The following OFD1 variants were observed in gnomAD, a reference collection of about 807,000 sequenced individuals.
The protein encoded by OFD1 is centriole and centriolar satellite protein OFD1.
OFD1 carries 12 observed loss-of-function variants against 81.4 expected under a neutral mutation model. The ratio of observed to expected loss-of-function variants is 0.15; its 90% confidence interval spans 0.09 to 0.24. OFD1 has a LOEUF of 0.24. OFD1 is among the 10% of genes least tolerant of loss of function. The probability of loss-of-function intolerance (pLI) is 1.00; values close to 1 mark genes in which losing one functional copy is unlikely to be tolerated. For synonymous variants in OFD1, 256 were observed against 263.7 expected, an observed-to-expected ratio of 0.97 and a Z score of 0.28; for missense variants, 685 against 733.9, an observed-to-expected ratio of 0.93 and a Z score of 0.77.
At chrX:13,731,604 C>A (rs1267471519), upstream of OFD1, among the ~76,000 whole-genome samples, 1 of 111,744 alleles carries the variant, frequency 8.9e-6, no homozygotes, top group East Asian at 2.8e-4. Context: ...AGAGCAGATA[C>A]ACCATTCGTC....
chrX:13,741,486 T>A (rs1269328274), intron 5 of OFD1, among the ~76,000 whole-genome samples: 1 of 112,104 alleles, frequency 8.9e-6, no homozygotes, highest in Non-Finnish European at 1.9e-5. Context: ...GCTAAGCTGT[T>A]GAATGGCCTT....
chrX:13,773,273 T>G (rs2048335206), downstream of OFD1: 1 of 271,073 alleles, frequency 3.7e-6, no homozygotes, highest in Admixed American at 6.3e-5. Context: ...GCCAAAGGTA[T>G]TGTTAAGAAA....
chrX:13,748,680 C>T (rs943329706), intron 8 of OFD1, among the ~76,000 whole-genome samples: 2 of 111,961 alleles, frequency 1.8e-5, no homozygotes, highest in Non-Finnish European at 3.8e-5. Context: ...TTCATATGAG[C>T]TTGCTAACTC....
chrX:13,734,794 C>A lies in OFD1; in HGVS notation c.-278C>A, dbSNP rs2046786490. 2.8e-6 allele frequency: 3 copies of A among 1,073,140 alleles called. No individual in the cohort carries two copies. Among genetic ancestry groups the A allele is most frequent in the South Asian group, 2.5e-5 (1 of 40,257 alleles). The allele number at this position is 1,073,140 out of a possible 1,213,427, so 88.4% of individuals were successfully genotyped here. A position where few individuals can be genotyped will look rare whatever the true frequency, so the allele number is the denominator to read the frequency against. ...CCTCGCTGCCTTCAGTCCCTAGTGT[C>A]TGGGTCCCCGCCCTCCAGCCGCCTT... On this transcript the variant is annotated 5_prime_UTR_variant, in exon 1 of 23. In the 5' UTR this introduces an upstream ATG that the reference lacks. Transcript: ENST00000340096.
intron 11 of OFD1, 127 bp from the exon 12 acceptor site, chrX:13,755,024 G>A (rs1024275455): frequency 5.7e-6 from 3 of 526,127 alleles, no homozygotes; most frequent in Non-Finnish European, 3.4e-6. Context: ...TTACTTGCCC[G>A]CTACATCTGC....
chrX:13,750,127 C>G (rs1425195771), intron 9 of OFD1, among the ~76,000 whole-genome samples: 1 of 112,257 alleles, frequency 8.9e-6, no homozygotes, highest in Non-Finnish European at 1.9e-5. Context: ...AATCTTAGTT[C>G]ATTAAAGAAT....
chrX:13,736,024 T>A, intron 2 of OFD1: 1 of 398,619 alleles, frequency 2.5e-6, no homozygotes, highest in Non-Finnish European at 3.2e-6. Flanking sequence ...TCATTTTCAG[T>A]GGCAACAGGC....
intron 18 of OFD1, among the ~76,000 whole-genome samples, chrX:13,762,732 A>T (rs770405553): frequency 1.4e-3 from 153 of 112,047 alleles, no homozygotes; most frequent in Middle Eastern, 9.2e-3. Context: ...ATTTTTATTT[A>T]TTTTTTCCTT....
chrX:13,772,254 G>A (rs923051340), downstream of OFD1: 3 of 112,312 alleles, frequency 2.7e-5, no homozygotes, highest in Non-Finnish European at 5.6e-5. Context: ...AGGGTCAGCA[G>A]AATTGTAGCT....
At chrX:13,750,675 C>G (rs2047469654) in intron 9 of OFD1, among the ~76,000 whole-genome samples, 1 of 112,125 alleles carries the variant, frequency 8.9e-6, no homozygotes, top group African/African-American at 3.2e-5. Flanking sequence ...CAGTGTCTCT[C>G]TGTATTGCCC....
At chrX:13,773,548 A>G (rs567235262), downstream of OFD1, 1 of 112,037 alleles carries the variant, frequency 8.9e-6, no homozygotes. Flanking sequence ...AAAATTAAGA[A>G]CTATAAGCAA....
chrX:13,772,755 GAGAC>G (rs1188607209), downstream of OFD1: 3 of 576,377 alleles, frequency 5.2e-6, no homozygotes, highest in South Asian at 4.5e-5. Context: ...CCAGCAGCTT[GAGAC>G]AGACAGTGAA....
At chrX:13,722,358 G>A in the OFD1 span, 1 of 110,788 alleles carries the variant, frequency 9.0e-6, no homozygotes, top group Non-Finnish European at 1.9e-5. Context: ...AAGTCAGCAG[G>A]AAGACAGAAA....
the OFD1 span, among the ~76,000 whole-genome samples, chrX:13,726,000 A>AG: frequency 8.9e-6 from 1 of 112,139 alleles, no homozygotes; most frequent in African/African-American, 3.2e-5. Flanking sequence ...AGTAGAAGAA[A>AG]GGGTATCAGT....
the OFD1 span, chrX:13,715,663 T>TAG: frequency 3.5e-6 from 1 of 285,576 alleles, no homozygotes; most frequent in Non-Finnish European, 4.9e-6. Context: ...GGAAACATTT[T>TAG]AGATTAAATT....
At chrX:13,717,058 A>C in the OFD1 span, among the ~76,000 whole-genome samples, 6 of 106,001 alleles carry the variant, frequency 5.7e-5, no homozygotes, top group Middle Eastern at 9.6e-3. Flanking sequence ...AAAAAAAAAA[A>C]AAAAAACAAG....
chrX:13,716,812 C>T, the OFD1 span: 11 of 505,324 alleles, frequency 2.2e-5, no homozygotes, highest in South Asian at 3.6e-5. Flanking sequence ...TTGTTATTGT[C>T]ATGAGACTTA....
chrX:13,758,257 A>G, intron 14 of OFD1, 80 bp from the exon 15 acceptor site: 1 of 688,314 alleles, frequency 1.5e-6, no homozygotes, highest in East Asian at 3.2e-5. Flanking sequence ...GAGTACAAAC[A>G]TGATAAGAGA....
At chrX:13,768,601 G>A in intron 21 of OFD1, 117 bp from the exon 22 acceptor site, 2 of 611,673 alleles carry the variant, frequency 3.3e-6, no homozygotes, top group South Asian at 4.9e-5. Context: ...ATGTTTAAAA[G>A]TCACCTCTTT....
Sources: allele counts gnomAD v4.1 joint callset (sites outside exome capture counted in the v4.1 genomes callset), GRCh38; gene constraint gnomAD v4.1.1; transcripts MANE v1.5; gene names NCBI Gene and HGNC (gene_info 2026-07-23, HGNC 2026-07-21).